The following RTL4 variants were observed in gnomAD, a reference collection of about 807,000 sequenced individuals.
RTL4 encodes the protein retrotransposon Gag-like protein 4.
Under a neutral mutation model 5.3 loss-of-function variants are expected in RTL4, and 4 were observed. The observed-to-expected ratio is 0.75, with a 90% CI of 0.37 to 1.72. RTL4 has a LOEUF of 1.72. Among genes scored for constraint, RTL4 ranks in the 40% most tolerant of loss-of-function variants. RTL4 has a pLI of 0.04. For synonymous variants in RTL4, 98 were observed against 87.3 expected (o/e 1.12, Z -0.68); for missense variants, 260 against 227.1 (o/e 1.14, Z -0.93).
At chrX:112,263,493 C>A in the RTL4 span, among the ~76,000 whole-genome samples, 1 of 111,890 alleles carries the variant, frequency 8.9e-6, no homozygotes, top group Admixed American at 9.5e-5. Flanking sequence ...TCCTGACCAC[C>A]ACTGTTTTAC....
chrX:112,313,302 A>AAACCT, the RTL4 span, among the ~76,000 whole-genome samples: 1 of 111,348 alleles, frequency 9.0e-6, no homozygotes, highest in East Asian at 2.8e-4. Context: ...AAACAAAACA[A>AAACCT]AACCTCAAAC....
At chrX:112,198,704 A>G in the RTL4 span, among the ~76,000 whole-genome samples, 1 of 111,220 alleles carries the variant, frequency 9.0e-6, no homozygotes, top group East Asian at 2.8e-4. Context: ...GATCTATTTA[A>G]CTATCCATCC....
the RTL4 span, among the ~76,000 whole-genome samples, chrX:112,324,961 C>A: frequency 9.0e-6 from 1 of 111,243 alleles, no homozygotes; most frequent in African/African-American, 3.3e-5. Flanking sequence ...ATTAAGGATA[C>A]AAAATCAATA....
the RTL4 span, among the ~76,000 whole-genome samples, chrX:112,244,092 T>G: frequency 8.9e-6 from 1 of 112,155 alleles, no homozygotes; most frequent in Non-Finnish European, 1.9e-5. Flanking sequence ...CTTTTACATT[T>G]GCTGAGGAGT....
At chrX:112,390,347 G>C in the RTL4 span, among the ~76,000 whole-genome samples, 6 of 101,910 alleles carry the variant, frequency 5.9e-5, no homozygotes, top group Non-Finnish European at 9.9e-5. Flanking sequence ...AGCTACTCAG[G>C]AGGCTAAGGC....
At chrX:112,427,019 G>T in the RTL4 span, among the ~76,000 whole-genome samples, 3 of 111,266 alleles carry the variant, frequency 2.7e-5, no homozygotes, top group Non-Finnish European at 5.7e-5. Flanking sequence ...ATTAAAGAAA[G>T]AAATTATACC....
At chrX:112,238,457 A>G in the RTL4 span, among the ~76,000 whole-genome samples, 1 of 111,419 alleles carries the variant, frequency 9.0e-6, no homozygotes, top group Non-Finnish European at 1.9e-5. Context: ...AAATTATTCT[A>G]TTCCCCTCTT....
At chrX:112,229,783 C>A in the RTL4 span, among the ~76,000 whole-genome samples, 1 of 112,224 alleles carries the variant, frequency 8.9e-6, no homozygotes, top group Non-Finnish European at 1.9e-5. Context: ...TTGGAGTTTA[C>A]TGGAGGTCCA....
chrX:112,412,440 C>T, the RTL4 span, among the ~76,000 whole-genome samples: 1 of 111,658 alleles, frequency 9.0e-6, no homozygotes, highest in Non-Finnish European at 1.9e-5. Context: ...AATCACATTA[C>T]CTGACTTCAA....
chrX:112,339,068 A>G, the RTL4 span, among the ~76,000 whole-genome samples: 1 of 111,017 alleles, frequency 9.0e-6, no homozygotes, highest in Non-Finnish European at 1.9e-5. Context: ...AAGAGAGTGT[A>G]TATTCTAATT....
the RTL4 span, among the ~76,000 whole-genome samples, chrX:112,092,060 A>G: frequency 9.0e-6 from 1 of 111,308 alleles, no homozygotes; most frequent in Admixed American, 9.6e-5. Flanking sequence ...TTTGTTAGCT[A>G]TTTGCATGCA....
At chrX:112,320,029 T>G in the RTL4 span, 1 of 113,160 alleles carries the variant, frequency 8.8e-6, no homozygotes, top group East Asian at 2.8e-4. Flanking sequence ...GCAGCCAAAG[T>G]GGACTATTTT....
the RTL4 span, among the ~76,000 whole-genome samples, chrX:112,232,760 G>A: frequency 1.8e-5 from 2 of 111,367 alleles, no homozygotes; most frequent in East Asian, 2.8e-4. Context: ...TTTGCTTTTT[G>A]GAGTGTTAGC....
the RTL4 span, among the ~76,000 whole-genome samples, chrX:112,414,083 A>G: frequency 9.0e-6 from 1 of 111,619 alleles, no homozygotes; most frequent in Non-Finnish European, 1.9e-5. Flanking sequence ...ACATAGTAGG[A>G]ACTCAATAAT....
At chrX:112,196,796 C>T in the RTL4 span, among the ~76,000 whole-genome samples, 567 of 111,307 alleles carry the variant, frequency 5.1e-3, 3 homozygotes, top group African/African-American at 0.018. Flanking sequence ...AATGTCTCTT[C>T]ATGTCTTTTG....
At chrX:112,302,445 C>T in the RTL4 span, among the ~76,000 whole-genome samples, 17 of 110,916 alleles carry the variant, frequency 1.5e-4, no homozygotes, top group African/African-American at 2.0e-4. Flanking sequence ...CAGATTTAGG[C>T]GGTAAATTGC....
chrX:112,402,400 T>TTTTGTGTG, the RTL4 span, among the ~76,000 whole-genome samples: 1 of 87,418 alleles, frequency 1.1e-5, no homozygotes, highest in Non-Finnish European at 2.2e-5. Flanking sequence ...GGAATTATTA[T>TTTTGTGTG]TGTGTGTGTG....
exon 1 of RTL4, chrX:112,455,307 G>A (rs1334662787): frequency 1.7e-6 from 2 of 1,209,764 alleles, no homozygotes; most frequent in African/African-American, 3.5e-5. Flanking sequence ...ATCCCAACCA[G>A]GATGAAGAGA....
chrX:112,213,851 TACC>T, the RTL4 span, among the ~76,000 whole-genome samples: 2 of 109,640 alleles, frequency 1.8e-5, no homozygotes, highest in Non-Finnish European at 3.8e-5. Context: ...TTTTTTAAAG[TACC>T]ACTTCACTGT....
Sources: allele counts gnomAD v4.1 joint callset (sites outside exome capture counted in the v4.1 genomes callset), GRCh38; gene constraint gnomAD v4.1.1; transcripts MANE v1.5; gene names NCBI Gene and HGNC (gene_info 2026-07-23, HGNC 2026-07-21).